SVEP1: variants seen among roughly 807,000 people sequenced by gnomAD.
SVEP1 encodes the protein sushi, von Willebrand factor type A, EGF and pentraxin domain containing 1.
Under a neutral mutation model 367.3 loss-of-function variants are expected in SVEP1, and 164 were observed. The observed-to-expected ratio is 0.45, with a 90% CI of 0.39 to 0.51. The LOEUF (loss-of-function observed/expected upper bound fraction) is 0.51, where lower values mean the gene tolerates loss of function less well. Among genes scored for constraint, SVEP1 ranks in the 20% least tolerant of loss-of-function variants. The pLI is 0.00. For missense variants in SVEP1, 4,117 were observed against 4,425.3 expected (o/e 0.93, Z 1.98); for synonymous variants, 1,666 against 1,611.6 (o/e 1.03, Z -0.81).
At chr9:110,540,049 G>A (rs961141732) in intron 3 of SVEP1, among the ~76,000 whole-genome samples, 12 of 151,936 alleles carry the variant, frequency 7.9e-5, no homozygotes, top group Non-Finnish European at 1.3e-4. Context: ...TAAAGATTAC[G>A]AGTTAATATA....
intron 1 of SVEP1, among the ~76,000 whole-genome samples, chr9:110,557,910 A>G (rs1015736168): frequency 4.6e-5 from 7 of 152,228 alleles, no homozygotes; most frequent in African/African-American, 1.7e-4. Context: ...GCTTGACATT[A>G]TCATTTGTTC....
chr9:110,473,150 A>AATTTATATTT (rs1273235629), intron 14 of SVEP1, among the ~76,000 whole-genome samples: 2 of 152,188 alleles, frequency 1.3e-5, no homozygotes, highest in Non-Finnish European at 2.9e-5. Context: ...TTTAGACAAT[A>AATTTATATTT]ATTTATATTT....
At chr9:110,483,517 T>C in intron 10 of SVEP1, 69 bp downstream of exon 10, 1 of 1,116,618 alleles carries the variant, frequency 9.0e-7, no homozygotes. Flanking sequence ...TTTATCCCAT[T>C]AAAAAGCTTT....
At chr9:110,454,424 G>A (rs1037108093) in intron 22 of SVEP1, among the ~76,000 whole-genome samples, 56 of 152,136 alleles carry the variant, frequency 3.7e-4, no homozygotes, top group African/African-American at 1.3e-3. Flanking sequence ...TCTGCGTATG[G>A]TTGGCCAGTA....
At chr9:110,507,083 G>A (rs554582447) in intron 5 of SVEP1, among the ~76,000 whole-genome samples, 3 of 152,166 alleles carry the variant, frequency 2.0e-5, no homozygotes, top group Admixed American at 1.3e-4. Context: ...TGATGGGGAC[G>A]TATATTCATC....
chr9:110,514,666 A>G (rs908035434), intron 3 of SVEP1, among the ~76,000 whole-genome samples: 2 of 152,234 alleles, frequency 1.3e-5, no homozygotes, highest in African/African-American at 4.8e-5. Flanking sequence ...TTTCAAATAC[A>G]ACACAACACA....
intron 18 of SVEP1, among the ~76,000 whole-genome samples, chr9:110,461,026 T>C (rs1828850293): frequency 6.6e-6 from 1 of 152,240 alleles, no homozygotes. Context: ...TTCGTCGGTC[T>C]GGAAATCTTA....
chr9:110,566,948 A>G (rs1344850193), intron 1 of SVEP1, among the ~76,000 whole-genome samples: 2 of 152,212 alleles, frequency 1.3e-5, no homozygotes, highest in South Asian at 4.1e-4. Context: ...CAAACACTTT[A>G]TATTGCTCTC....
chr9:110,517,751 T>A (rs1314494450), intron 3 of SVEP1, among the ~76,000 whole-genome samples: 1 of 50,532 alleles, frequency 2.0e-5, no homozygotes, highest in Non-Finnish European at 3.4e-5. Context: ...ACCTGGCTCT[T>A]AAAAAAAAAA....
At chr9:110,523,555 T>C (rs1427780973) in intron 3 of SVEP1, among the ~76,000 whole-genome samples, 1 of 152,070 alleles carries the variant, frequency 6.6e-6, no homozygotes, top group African/African-American at 2.4e-5. Flanking sequence ...ACCAATTAAG[T>C]GATAGGGATT....
At chr9:110,526,676 G>A (rs1829943246) in intron 3 of SVEP1, among the ~76,000 whole-genome samples, 1 of 151,970 alleles carries the variant, frequency 6.6e-6, no homozygotes, top group African/African-American at 2.4e-5. Flanking sequence ...TACATTCCTG[G>A]GCATTTAGCC....
chr9:110,389,989 AACACATGTGATGTAT>A (rs1827603850), intron 40 of SVEP1, among the ~76,000 whole-genome samples: 1 of 128,246 alleles, frequency 7.8e-6, no homozygotes, highest in South Asian at 2.8e-4. Context: ...TGGCCATAAA[AACACATGTGATGTAT>A]ACACATAAGT....
Position 110,579,573 on chromosome 9 carries a change from G to A in SVEP1, c.-30C>T, listed in dbSNP as rs535511478. Reference sequence around the variant, plus strand: ...CTGGAGACAGAGCGGCTGCCCCGGAGCGCAGGCGGCGGCTCGGGCGGGAAG... The same window carrying A: ...CTGGAGACAGAGCGGCTGCCCCGGAACGCAGGCGGCGGCTCGGGCGGGAAG... On this transcript the variant is annotated 5_prime_UTR_variant, in exon 1 of 48. Transcript: ENST00000374469. This position sits in a 1 kb window ranked among gnomAD's most constrained non-coding sequence, Gnocchi z 5.3. 2.6e-3 allele frequency: 4,024 copies of A among 1,534,442 alleles called. 7 individuals carry two copies. Among genetic ancestry groups the A allele is most frequent in the Non-Finnish European group, 3.3e-3 (3,828 of 1,147,294 alleles).
intron 43 of SVEP1, among the ~76,000 whole-genome samples, chr9:110,383,365 C>CTATT (rs1564124664): frequency 1.3e-5 from 2 of 152,166 alleles, no homozygotes; most frequent in Non-Finnish European, 2.9e-5. Context: ...ACTCCAGACC[C>CTATT]TATTTGCCTG....
intron 1 of SVEP1, among the ~76,000 whole-genome samples, chr9:110,553,483 T>G (rs574412877): frequency 6.6e-6 from 1 of 152,300 alleles, no homozygotes; most frequent in South Asian, 2.1e-4. Context: ...TGTGATATCT[T>G]GGAAAGTAAA....
chr9:110,579,627 G>A lies in SVEP1; in HGVS notation c.-84C>T. 7.0e-7 allele frequency: 1 copy of A among 1,419,428 alleles called. No individual in the cohort carries two copies. The allele number at this position is 1,419,428 out of a possible 1,614,324, so 87.9% of individuals were successfully genotyped here. ...CGCTGGGCGGCCGGACTCGCAGAGG[G>A]GCGTGCGCGGAGCTGGGCGCGGGGC... On this transcript the variant is annotated 5_prime_UTR_variant, in exon 1 of 48. Transcript: ENST00000374469. The surrounding 1 kb of genome is among the most constrained non-coding windows in gnomAD (Gnocchi z 5.3).
chr9:110,458,944 C>A lies in SVEP1; in HGVS notation c.3484+8G>T. 1 of 1,607,726 alleles carries A rather than the reference C, an allele frequency of 6.2e-7. No homozygotes were observed. The highest frequency in any genetic ancestry group is 1.1e-5 in the South Asian group (1 of 90,684). Reference sequence around the variant, plus strand: ...ATAGGATTACATAAGAAATGAAGTTCATCTTACTTGAACATTCTGTGATGG... The same window carrying A: ...ATAGGATTACATAAGAAATGAAGTTAATCTTACTTGAACATTCTGTGATGG... On this transcript the variant is annotated splice_region_variant and intron_variant, in intron 19 of 47. Transcript: ENST00000374469.
At chr9:110,576,594 A>T (rs1200617387) in intron 1 of SVEP1, among the ~76,000 whole-genome samples, 1 of 152,046 alleles carries the variant, frequency 6.6e-6, no homozygotes, top group Admixed American at 6.5e-5. Context: ...AGAGAAAAAA[A>T]GAATCAAAGA....
chr9:110,512,466 G>A (rs182102720), intron 5 of SVEP1, among the ~76,000 whole-genome samples: 3 of 151,932 alleles, frequency 2.0e-5, no homozygotes, highest in East Asian at 1.9e-4. Context: ...TTGGACTCTC[G>A]CTTTGACAAA....
Sources: allele counts gnomAD v4.1 joint callset (sites outside exome capture counted in the v4.1 genomes callset), GRCh38; gene constraint gnomAD v4.1.1; non-coding constraint Gnocchi (gnomAD v3.1); transcripts MANE v1.5; gene names NCBI Gene and HGNC (gene_info 2026-07-23, HGNC 2026-07-21).